Variants in SRSF7 observed in about 807,000 individuals in gnomAD.
The protein encoded by SRSF7 is serine/arginine-rich splicing factor 7.
In SRSF7, 15 loss-of-function variants were observed where a neutral mutation model predicts 42.2. The ratio of observed to expected loss-of-function variants is 0.36; its 90% CI spans 0.24 to 0.55. The LOEUF (loss-of-function observed/expected upper bound fraction) is 0.55. SRSF7 is among the 20% of genes least tolerant of loss of function. The probability of loss-of-function intolerance (pLI) is 0.88; values close to 1 mark genes in which losing one functional copy is unlikely to be tolerated. For missense variants in SRSF7, 181 were observed against 305.9 expected (o/e 0.59, Z 3.04); for synonymous variants, 138 against 107.9 (o/e 1.28, Z -1.73).
intron 5 of SRSF7, 70 bp from the exon 6 acceptor site, chr2:38,746,817 T>C (rs1667487461): frequency 8.2e-6 from 13 of 1,590,598 alleles, no homozygotes; most frequent in African/African-American, 1.4e-5. Context: ...TACTCAACAC[T>C]GTATTAGGTT....
chr2:38,749,471 A>G, intron 3 of SRSF7, 58 bp downstream of exon 3: 1 of 1,544,960 alleles, frequency 6.5e-7, no homozygotes, highest in Non-Finnish European at 8.7e-7. Flanking sequence ...CTGCCTTGCT[A>G]ATAAAAGAAT....
At chr2:38,749,781 C>T in intron 2 of SRSF7, 76 bp from the exon 3 acceptor site, 2 of 1,410,528 alleles carry the variant, frequency 1.4e-6, no homozygotes, top group Non-Finnish European at 1.9e-6. Flanking sequence ...GAACTCTTTC[C>T]AACCACTCAC....
intron 3 of SRSF7, 176 bp from the exon 4 acceptor site, chr2:38,748,829 T>C: frequency 7.7e-7 from 1 of 1,303,446 alleles, no homozygotes; most frequent in African/African-American, 1.5e-5. Flanking sequence ...AAAAAAAGAT[T>C]TGTTAAAAGC....
Position 38,745,100 on chromosome 2 carries a change from A to G in SRSF7, c.*33T>C. 4.3e-6 allele frequency: 7 copies of G among 1,610,982 alleles called. No individual in the cohort carries two copies. The highest frequency in any genetic ancestry group is 2.2e-5 in the East Asian group (1 of 44,836). ...AATCCCTTATAATAATGTAAACAAA[A>G]TAACTTTTCCCTAAAGGGTGAACTT... On this transcript the variant is annotated 3_prime_UTR_variant, in exon 8 of 8. Transcript: ENST00000313117.
At chr2:38,745,636 CAG>C (rs1667264875) in intron 7 of SRSF7, among the ~76,000 whole-genome samples, 1 of 150,952 alleles carries the variant, frequency 6.6e-6, no homozygotes, top group African/African-American at 2.4e-5. Flanking sequence ...AGCCTGGGGA[CAG>C]AGCGAAAACT....
chr2:38,749,359 G>C (rs756310184), intron 3 of SRSF7, 170 bp downstream of exon 3: 1 of 1,540,412 alleles, frequency 6.5e-7, no homozygotes, highest in Non-Finnish European at 8.8e-7. Flanking sequence ...GAAAGGTTTT[G>C]ACCAGGTTGA....
At chr2:38,746,205 A>G (rs1269481734) in intron 6 of SRSF7, 26 bp from the exon 7 acceptor site, 1 of 1,613,552 alleles carries the variant, frequency 6.2e-7, no homozygotes, top group Admixed American at 1.7e-5. Context: ...AAATTCTATT[A>G]AAGAAAGAGT....
At chr2:38,746,242 C>G in intron 6 of SRSF7, 63 bp from the exon 7 acceptor site, 1 of 1,570,124 alleles carries the variant, frequency 6.4e-7, no homozygotes, top group Non-Finnish European at 8.8e-7. Context: ...CTTGTAGTCA[C>G]CAATACCGTA....
chr2:38,746,996 T>A (rs1339688695), intron 5 of SRSF7: 1 of 666,760 alleles, frequency 1.5e-6, no homozygotes, highest in Non-Finnish European at 2.7e-6. Context: ...TCAAACACTG[T>A]GTAATATCCA....
Position 38,749,669 on chromosome 2 carries a change from C to A in SRSF7, c.246G>T (p.Ser82=). 6.3e-7 allele frequency: 1 copy of A among 1,583,334 alleles called. No individual in the cohort carries two copies. The highest frequency in any genetic ancestry group is 1.2e-5 in the South Asian group (1 of 85,038). Residue 82 remains serine, a synonymous_variant, in exon 3 of 8, where the codon TCG becomes TCT. Coordinates refer to ENST00000313117, the MANE Select transcript of SRSF7 (RefSeq NM_001031684.3). ...AACGTGATCTCCGAGGCATGCCTGT[C>A]GATAGTTCAACCCTCACTCGGGAGC... ...ICGSRVRVEL[S]TGMPRRSRFD... is the part of the protein sequence containing the mutation.
intron 2 of SRSF7, 92 bp downstream of exon 2, chr2:38,749,922 C>T: frequency 7.1e-7 from 1 of 1,418,426 alleles, no homozygotes; most frequent in Non-Finnish European, 9.5e-7. Flanking sequence ...TTTAAGGTCT[C>T]TTCCAGACTT....
At chr2:38,747,233 G>C in intron 5 of SRSF7, 2 of 348,832 alleles carry the variant, frequency 5.7e-6, no homozygotes, top group South Asian at 4.3e-5. Context: ...CTTTATTCCT[G>C]GATCAAGTTA....
At position 38,750,125 on chromosome 2, in the gene SRSF7, T is replaced by C; in HGVS notation, c.98A>G (p.Tyr33Cys). The C allele has an allele frequency of 6.2e-7, 1 of 1,613,586 alleles. No homozygotes were observed. The highest frequency in any genetic ancestry group is 8.5e-7 in the Non-Finnish European group (1 of 1,179,814). ...CCATACAGTTCTTAAAGGACCATAA[T>C]AACTGAAAGCCCTTTCTAACTCTCC... Reference protein sequence around the residue: ...GKGELERAFSYYGPLRTVWIA... With the variant: ...GKGELERAFSCYGPLRTVWIA... Residue 33 changes from tyrosine (Y) to cysteine (C), a missense_variant, in exon 2 of 8, where the codon TAT becomes TGT. Tyr to Cys is a radical substitution (Grantham distance 194, BLOSUM62 -2). This residue lies in a region of SRSF7 where 45 missense variants were observed against 158.1 expected (regional missense o/e 0.28). Coordinates refer to ENST00000313117, the MANE Select transcript of SRSF7 (RefSeq NM_001031684.3).
At chr2:38,746,588 C>G in intron 6 of SRSF7, 106 bp downstream of exon 6, 1 of 1,526,686 alleles carries the variant, frequency 6.6e-7, no homozygotes, top group Non-Finnish European at 8.9e-7. Context: ...CCACTAAAAC[C>G]TAAGTTTAGA....
Position 38,745,195 on chromosome 2 carries a change from G to C in SRSF7, c.663-8C>G, listed in dbSNP as rs542786448. On this transcript the variant is annotated splice_polypyrimidine_tract_variant and splice_region_variant and intron_variant, in intron 7 of 7. Coordinates refer to ENST00000313117, the MANE Select transcript of SRSF7 (RefSeq NM_001031684.3). ...CTTCCTGATGGGGAACGACTAAAAA[G>C]AAAAACATTAGGTTTGGATCCAATT... The C allele has an allele frequency of 3.1e-6, 5 of 1,613,984 alleles. No homozygotes were observed. The highest frequency in any genetic ancestry group is 1.3e-5 in the African/African-American group (1 of 75,030).
intron 5 of SRSF7, chr2:38,747,206 GCCC>G (rs1301858103): frequency 2.5e-5 from 10 of 395,972 alleles, no homozygotes; most frequent in South Asian, 1.4e-4. Flanking sequence ...AAAGAAAGCC[GCCC>G]CCCATTTGTA....
At chr2:38,751,374 G>A (rs760413919), upstream of SRSF7, 6 of 1,425,518 alleles carry the variant, frequency 4.2e-6, no homozygotes, top group East Asian at 4.7e-5. Flanking sequence ...GGAAGAGCCC[G>A]GGTTCGCGTT....
intron 5 of SRSF7, among the ~76,000 whole-genome samples, chr2:38,747,291 A>C (rs369022322): frequency 6.6e-6 from 1 of 152,212 alleles, no homozygotes; most frequent in Admixed American, 6.5e-5. Flanking sequence ...AGACTGACAT[A>C]TCTATCTTTT....
At chr2:38,745,683 CCTT>C (rs1287098181) in intron 7 of SRSF7, among the ~76,000 whole-genome samples, 1 of 152,064 alleles carries the variant, frequency 6.6e-6, no homozygotes, top group Non-Finnish European at 1.5e-5. Context: ...AGGCTATCCT[CCTT>C]GTCAAAATTG....
Sources: gnomAD v4.1 joint callset for allele counts (sites outside exome capture counted in the v4.1 genomes callset) on GRCh38, gnomAD v4.1.1 for gene constraint, gnomAD v4.1.1 regional missense constraint, MANE v1.5 for transcripts, NCBI Gene and HGNC (gene_info 2026-07-23, HGNC 2026-07-21) for gene names.